Variants in MTFR1 observed in about 807,000 individuals in gnomAD.
The protein encoded by MTFR1 is chondrocyte protein with a poly-proline region.
In MTFR1, 28 loss-of-function variants were observed where a neutral mutation model predicts 38.8. The observed-to-expected ratio is 0.72, with a 90% CI of 0.53 to 0.99. MTFR1 has a LOEUF of 0.99. Among genes scored for constraint, MTFR1 ranks in the 50% least tolerant of loss-of-function variants. MTFR1 has a pLI of 0.00. For synonymous variants in MTFR1, 145 were observed against 137.0 expected, an observed-to-expected ratio of 1.06 and a Z score of -0.41; for missense variants, 358 against 395.5, an observed-to-expected ratio of 0.91 and a Z score of 0.81.
chr8:65,671,091 G>A (rs1804558573), intron 2 of MTFR1, among the ~76,000 whole-genome samples: 1 of 152,082 alleles, frequency 6.6e-6, no homozygotes, highest in East Asian at 1.9e-4. Context: ...GTTTTCTTCG[G>A]AGATTAAAAA....
chr8:65,767,052 AT>A (rs2128918127), intron 3 of MTFR1, among the ~76,000 whole-genome samples: 1 of 152,240 alleles, frequency 6.6e-6, no homozygotes, highest in South Asian at 2.1e-4. Context: ...GGACCACTAC[AT>A]CCAACTGAAT....
chr8:65,714,666 G>A (rs555856220), downstream of MTFR1: 1 of 152,230 alleles, frequency 6.6e-6, no homozygotes, highest in Non-Finnish European at 1.5e-5. Context: ...TCTCAATCAG[G>A]AGATACCGAT....
At chr8:65,645,701 C>CA (rs903511475) in intron 1 of MTFR1, among the ~76,000 whole-genome samples, 3 of 133,910 alleles carry the variant, frequency 2.2e-5, no homozygotes, top group Non-Finnish European at 4.8e-5. Flanking sequence ...TTCCCCCCCC[C>CA]CCCCCTTTGT....
downstream of MTFR1, among the ~76,000 whole-genome samples, chr8:65,775,804 T>C (rs538871793): frequency 6.6e-6 from 1 of 152,308 alleles, no homozygotes; most frequent in East Asian, 1.9e-4. Flanking sequence ...ATTTTTACTA[T>C]TTTTAGTAGA....
At chr8:65,679,344 G>A (rs1335560000) in intron 2 of MTFR1, among the ~76,000 whole-genome samples, 1 of 152,156 alleles carries the variant, frequency 6.6e-6, no homozygotes, top group Non-Finnish European at 1.5e-5. Flanking sequence ...GGTGGTGCAC[G>A]CCTGTAATCC....
chr8:65,704,100 A>C (rs1299384218), intron 4 of MTFR1, among the ~76,000 whole-genome samples: 2 of 152,206 alleles, frequency 1.3e-5, no homozygotes, highest in African/African-American at 4.8e-5. Context: ...CATAAATATT[A>C]AAGTATTTCA....
intron 3 of MTFR1, among the ~76,000 whole-genome samples, chr8:65,760,566 G>A (rs1016164445): frequency 5.3e-5 from 8 of 152,132 alleles, no homozygotes; most frequent in African/African-American, 9.7e-5. Flanking sequence ...TTCCAGAACT[G>A]TCCTAGAATT....
At chr8:65,729,898 T>C (rs1241167235) in intron 3 of MTFR1, among the ~76,000 whole-genome samples, 1 of 151,950 alleles carries the variant, frequency 6.6e-6, no homozygotes, top group Admixed American at 6.6e-5. Context: ...ACACATTATG[T>C]CCATCCTGAG....
chr8:65,663,498 C>T (rs1275874612), intron 1 of MTFR1, among the ~76,000 whole-genome samples: 1 of 149,110 alleles, frequency 6.7e-6, no homozygotes, highest in Admixed American at 6.7e-5. Flanking sequence ...CCAAATCCCC[C>T]TCTGCGAGAA....
chr8:65,712,289 G>A (rs1042644288), downstream of MTFR1, among the ~76,000 whole-genome samples: 3 of 152,132 alleles, frequency 2.0e-5, no homozygotes, highest in Non-Finnish European at 4.4e-5. Context: ...CACTGACCGC[G>A]GGGGCTGAGC....
chr8:65,756,695 T>C (rs1436360865), intron 3 of MTFR1, among the ~76,000 whole-genome samples: 8 of 152,218 alleles, frequency 5.3e-5, no homozygotes, highest in African/African-American at 1.9e-4. Context: ...TCAGTAAACA[T>C]TTAAGATAGT....
intron 1 of MTFR1, among the ~76,000 whole-genome samples, chr8:65,645,520 C>A (rs549289222): frequency 6.6e-6 from 1 of 152,306 alleles, no homozygotes; most frequent in Admixed American, 6.5e-5. Flanking sequence ...CAGTCTTGCT[C>A]CCCTAATCCG....
In MTFR1 at chr8:65,755,024, A is replaced by T. The variant is rs971466785; in HGVS notation, c.*49-15923A>T. Among the ~76,000 whole-genome samples, 1,124 of 136,816 alleles carry T rather than the reference A, an allele frequency of 8.2e-3. 4 individuals carry two copies. Among genetic ancestry groups the T allele is most frequent in the Non-Finnish European group, 0.011 (705 of 63,200 alleles). 89.8% of individuals were successfully genotyped at this position (136,816 alleles called of 152,430 possible). On this transcript the variant is annotated intron_variant, in intron 3 of 3. Coordinates refer to the MTFR1 transcript ENST00000521247. Reference sequence around the variant, plus strand: ...TGCCTGTTTATTTTTTTTTTCACTTATTTTTTTTTTTTTTGAGACAGAGTC... The same window carrying T: ...TGCCTGTTTATTTTTTTTTTCACTTTTTTTTTTTTTTTTTGAGACAGAGTC...
chr8:65,661,546 G>A (rs572295373), intron 1 of MTFR1, among the ~76,000 whole-genome samples: 84 of 152,170 alleles, frequency 5.5e-4, no homozygotes, highest in African/African-American at 1.9e-3. Context: ...CATGAGAATC[G>A]CTTGAACCTG....
intron 1 of MTFR1, among the ~76,000 whole-genome samples, chr8:65,654,962 C>G (rs915564166): frequency 6.6e-6 from 1 of 152,170 alleles, no homozygotes; most frequent in Non-Finnish European, 1.5e-5. Context: ...TTTTTCATCA[C>G]TTCCTTGGGC....
intron 3 of MTFR1, among the ~76,000 whole-genome samples, chr8:65,758,053 G>A (rs1808319244): frequency 1.3e-5 from 2 of 152,124 alleles, no homozygotes; most frequent in South Asian, 4.1e-4. Context: ...CATTTGGAAG[G>A]AGCATTAAGT....
intron 3 of MTFR1, chr8:65,721,655 A>C (rs772414720): frequency 2.0e-5 from 3 of 152,180 alleles, no homozygotes; most frequent in Non-Finnish European, 4.4e-5. Context: ...TTACCTTATA[A>C]AAATTACAAT....
At chr8:65,683,343 G>T (rs1209076549) in intron 3 of MTFR1, among the ~76,000 whole-genome samples, 1 of 152,018 alleles carries the variant, frequency 6.6e-6, no homozygotes, top group African/African-American at 2.4e-5. Flanking sequence ...TGTTGGCCAG[G>T]ATGGTCTTGA....
chr8:65,768,057 G>C (rs1286251447), intron 3 of MTFR1, among the ~76,000 whole-genome samples: 1 of 152,054 alleles, frequency 6.6e-6, no homozygotes, highest in East Asian at 1.9e-4. Context: ...CTGAATTAGA[G>C]GACACCCAGT....
Sources: gnomAD v4.1 joint callset for allele counts (sites outside exome capture counted in the v4.1 genomes callset) on GRCh38, gnomAD v4.1.1 for gene constraint, MANE v1.5 for transcripts, NCBI Gene and HGNC (gene_info 2026-07-23, HGNC 2026-07-21) for gene names.